SORCS1: variants seen among roughly 807,000 people sequenced by gnomAD.
The protein encoded by SORCS1 is VPS10 domain-containing receptor SorCS1.
SORCS1 carries 60 observed loss-of-function variants against 146.1 expected under a neutral mutation model. That is an observed-to-expected ratio of 0.41 (90% CI 0.33 to 0.51). The LOEUF (loss-of-function observed/expected upper bound fraction) is 0.51, where lower values mean the gene tolerates loss of function less well. Among genes scored for constraint, SORCS1 ranks in the 20% least tolerant of loss-of-function variants. The pLI, the probability that SORCS1 is intolerant of heterozygous loss-of-function variation, is 0.21. For synonymous variants in SORCS1, 637 were observed against 584.0 expected, an observed-to-expected ratio of 1.09 and a Z score of -1.31; for missense variants, 1,352 against 1,487.6, an observed-to-expected ratio of 0.91 and a Z score of 1.50.
At chr10:106,783,456 C>T (rs1861049798) in intron 3 of SORCS1, among the ~76,000 whole-genome samples, 1 of 151,900 alleles carries the variant, frequency 6.6e-6, no homozygotes, top group South Asian at 2.1e-4. Context: ...CAAAGGATGA[C>T]ATATATAGTA....
At chr10:106,994,298 T>C (rs1243272769) in intron 1 of SORCS1, among the ~76,000 whole-genome samples, 1 of 152,086 alleles carries the variant, frequency 6.6e-6, no homozygotes, top group Non-Finnish European at 1.5e-5. Flanking sequence ...CAAAAATCTG[T>C]CTGGAATATG....
intron 1 of SORCS1, among the ~76,000 whole-genome samples, chr10:107,161,681 CA>C (rs1365402191): frequency 1.4e-5 from 2 of 141,930 alleles, no homozygotes; most frequent in African/African-American, 2.8e-5. Context: ...TTGCATTCTA[CA>C]AAACGGCCAA....
chr10:106,778,722 A>C (rs1257304330), intron 3 of SORCS1, among the ~76,000 whole-genome samples: 1 of 152,200 alleles, frequency 6.6e-6, no homozygotes, highest in African/African-American at 2.4e-5. Context: ...TTTCCATGAT[A>C]ATATGAAGAA....
chr10:106,980,770 A>G (rs951502340), intron 1 of SORCS1, among the ~76,000 whole-genome samples: 1 of 152,208 alleles, frequency 6.6e-6, no homozygotes, highest in African/African-American at 2.4e-5. Flanking sequence ...TATAAGACCA[A>G]CTGTAATGCA....
rs17120998 is a variant in SORCS1, at chr10:106,588,027, T to C, written c.3266-8553A>G. Among the ~76,000 whole-genome samples, 3,506 of 152,320 alleles carry C rather than the reference T, an allele frequency of 0.023. 232 individuals are homozygous for C. In the East Asian group the frequency reaches 0.24, roughly 11 times the overall value. ...AAATATGTACAGACATATAGTGAAA[T>C]GTAGCTGTATCATTTTATGCTCACA... On this transcript the variant is annotated intron_variant, in intron 24 of 25. Transcript: ENST00000263054.
intron 1 of SORCS1, among the ~76,000 whole-genome samples, chr10:107,061,430 T>C (rs1261583453): frequency 6.6e-6 from 1 of 152,174 alleles, no homozygotes; most frequent in African/African-American, 2.4e-5. Flanking sequence ...TATTTTGTAG[T>C]AAAAGAGATA....
intron 2 of SORCS1, among the ~76,000 whole-genome samples, chr10:106,947,058 A>G (rs1954381468): frequency 6.6e-6 from 1 of 152,204 alleles, no homozygotes; most frequent in African/African-American, 2.4e-5. Context: ...GATGATCACC[A>G]TCACTTGTGG....
At chr10:106,850,319 G>A (rs1046694273) in intron 2 of SORCS1, among the ~76,000 whole-genome samples, 5 of 152,114 alleles carry the variant, frequency 3.3e-5, no homozygotes, top group African/African-American at 7.2e-5. Context: ...TCTGAAAAGC[G>A]CAATATTCGG....
intron 15 of SORCS1, among the ~76,000 whole-genome samples, chr10:106,672,300 A>G (rs1279913712): frequency 6.6e-6 from 1 of 152,180 alleles, no homozygotes; most frequent in Admixed American, 6.5e-5. Flanking sequence ...ACTTCCATCC[A>G]AGCATTTTGA....
chr10:106,644,513 C>A (rs1849280803), intron 18 of SORCS1, among the ~76,000 whole-genome samples: 1 of 151,946 alleles, frequency 6.6e-6, no homozygotes, highest in African/African-American at 2.4e-5. Context: ...ATTACAGGTG[C>A]CCACCACCAC....
rs182938664 is a variant in SORCS1 at position 106,715,878 on chromosome 10, G to A, written c.1025-6537C>T. On this transcript the variant is annotated intron_variant, in intron 6 of 25. Coordinates refer to ENST00000263054, the MANE Select transcript of SORCS1 (RefSeq NM_052918.5). ...AACAATTCTCCTGCCCCAGCCTCCC[G>A]AGTAGCTGGGACCACAGGCGCATGC... Among the ~76,000 whole-genome samples, 656 of 152,044 alleles carry A rather than the reference G, an allele frequency of 4.3e-3. 13 individuals are homozygous for A. The highest frequency in any genetic ancestry group is 4.5e-3 in the East Asian group (23 of 5,152).
intron 1 of SORCS1, among the ~76,000 whole-genome samples, chr10:106,993,862 C>T (rs1956874950): frequency 6.6e-6 from 1 of 151,922 alleles, no homozygotes; most frequent in Admixed American, 6.6e-5. Context: ...TTGATTGACT[C>T]AGGAGTTTGA....
intron 3 of SORCS1, among the ~76,000 whole-genome samples, chr10:106,796,551 T>C (rs548831925): frequency 2.6e-5 from 4 of 152,322 alleles, no homozygotes; most frequent in African/African-American, 9.6e-5. Context: ...TGAGCTAAAA[T>C]GTAAAGGTCA....
chr10:106,704,764 T>C (rs1371912768), intron 8 of SORCS1, among the ~76,000 whole-genome samples: 1 of 152,152 alleles, frequency 6.6e-6, no homozygotes, highest in African/African-American at 2.4e-5. Flanking sequence ...AAGATGAGGA[T>C]ATGGTCTCCA....
chr10:106,598,234 T>C (rs1000505119), intron 23 of SORCS1, among the ~76,000 whole-genome samples: 4 of 133,128 alleles, frequency 3.0e-5, no homozygotes, highest in African/African-American at 1.2e-4. Context: ...AACACTCCTA[T>C]TATATTATTA....
intron 9 of SORCS1, among the ~76,000 whole-genome samples, chr10:106,694,237 G>C (rs1205506872): frequency 6.6e-6 from 1 of 152,096 alleles, no homozygotes; most frequent in Non-Finnish European, 1.5e-5. Context: ...TCTAGAGACA[G>C]TAGCCTGAAA....
rs1455996895 is a variant in SORCS1, at chr10:106,844,688, G to A, written c.627-15015C>T. On this transcript the variant is annotated intron_variant, in intron 2 of 25. Transcript: ENST00000263054. ...GCTGGTGCGCTGCACCCACTAACTCGTCATCTAGCATTAGGTATATCTCCC... is the reference window on the plus strand; with the variant it reads ...GCTGGTGCGCTGCACCCACTAACTCATCATCTAGCATTAGGTATATCTCCC... Among the ~76,000 whole-genome samples, 7 of 143,176 alleles carry A rather than the reference G, an allele frequency of 4.9e-5. No individual in the cohort carries two copies. The East Asian group carries it at 6.3e-4, about 13-fold the overall frequency. 93.9% of individuals were successfully genotyped at this position (143,176 alleles called of 152,430 possible).
At chr10:107,134,914 T>C (rs909346104) in intron 1 of SORCS1, among the ~76,000 whole-genome samples, 2 of 152,124 alleles carry the variant, frequency 1.3e-5, no homozygotes, top group Non-Finnish European at 2.9e-5. Context: ...AGGAAGAGAT[T>C]TGGAAAGGAG....
chr10:106,713,459 C>A (rs1319818508), intron 6 of SORCS1, among the ~76,000 whole-genome samples: 1 of 152,146 alleles, frequency 6.6e-6, no homozygotes, highest in Non-Finnish European at 1.5e-5. Flanking sequence ...AGACCCTGTA[C>A]AAACATAAGA....
Sources: gnomAD v4.1 joint callset for allele counts (sites outside exome capture counted in the v4.1 genomes callset) on GRCh38, gnomAD v4.1.1 for gene constraint, MANE v1.5 for transcripts, NCBI Gene and HGNC (gene_info 2026-07-23, HGNC 2026-07-21) for gene names.